Variants in KIAA1549L observed in about 807,000 individuals in gnomAD.
KIAA1549L encodes UPF0606 protein KIAA1549L.
KIAA1549L carries 88 observed loss-of-function variants against 160.7 expected under a neutral mutation model. The observed-to-expected ratio is 0.55, with a 90% CI of 0.46 to 0.65. The LOEUF is 0.65. Ranked by LOEUF, KIAA1549L falls within the 30% of genes least tolerant of loss-of-function variation. The pLI is 0.00. For synonymous variants in KIAA1549L, 950 were observed against 976.7 expected (o/e 0.97, Z 0.51); for missense variants, 2,258 against 2,437.5 (o/e 0.93, Z 1.55).
intron 1 of KIAA1549L, among the ~76,000 whole-genome samples, chr11:33,529,202 G>A (rs148575876): frequency 1.6e-4 from 25 of 152,122 alleles, no homozygotes; most frequent in Admixed American, 3.9e-4. Context: ...CGAGTGTGGC[G>A]GTATGTCCCT....
chr11:33,495,191 A>T lies in KIAA1549L; in HGVS notation c.239-46611A>T, dbSNP rs191380268. Among the ~76,000 whole-genome samples the T allele has an allele frequency of 4.4e-4, 67 of 152,148 alleles. No individual in the cohort carries two copies. The East Asian group carries it at 0.011, about 26-fold the overall frequency. ...TCCACAATGTGCAGGTTAGTTACAT[A>T]TGTATACATGTGCCATGCTGGTGCG... On this transcript the variant is annotated intron_variant, in intron 1 of 20. Transcript: ENST00000658780.
chr11:33,517,145 A>G (rs1853365398), intron 1 of KIAA1549L, among the ~76,000 whole-genome samples: 1 of 152,192 alleles, frequency 6.6e-6, no homozygotes, highest in Non-Finnish European at 1.5e-5. Context: ...ATGCTAGGGT[A>G]TGTCTCTCCC....
At chr11:33,590,898 A>G (rs1850033555) in intron 11 of KIAA1549L, among the ~76,000 whole-genome samples, 1 of 152,226 alleles carries the variant, frequency 6.6e-6, no homozygotes, top group Non-Finnish European at 1.5e-5. Flanking sequence ...TGTTTAATGT[A>G]TTAATTGAGT....
At chr11:33,486,576 A>T (rs1277911928) in intron 1 of KIAA1549L, among the ~76,000 whole-genome samples, 1 of 152,218 alleles carries the variant, frequency 6.6e-6, no homozygotes, top group Non-Finnish European at 1.5e-5. Context: ...TCTTTGTAAT[A>T]AAGATATTAT....
At chr11:33,608,655 A>G (rs1187406697) in intron 14 of KIAA1549L, among the ~76,000 whole-genome samples, 1 of 152,260 alleles carries the variant, frequency 6.6e-6, no homozygotes, top group African/African-American at 2.4e-5. Flanking sequence ...AATCTGGGAT[A>G]GATTCAATTT....
intron 1 of KIAA1549L, among the ~76,000 whole-genome samples, chr11:33,540,415 A>G (rs796182385): frequency 5.9e-5 from 9 of 152,370 alleles, no homozygotes; most frequent in African/African-American, 2.2e-4. Flanking sequence ...ATGCAAAAGT[A>G]CCTTATACAG....
At chr11:33,448,412 G>T (rs1270463105) in intron 1 of KIAA1549L, among the ~76,000 whole-genome samples, 1 of 152,154 alleles carries the variant, frequency 6.6e-6, no homozygotes, top group African/African-American at 2.4e-5. Context: ...CCTTGCTGCA[G>T]TGGCAAGACA....
chr11:33,396,724 G>A (rs1292175846), intron 1 of KIAA1549L, among the ~76,000 whole-genome samples: 2 of 151,980 alleles, frequency 1.3e-5, no homozygotes, highest in Non-Finnish European at 2.9e-5. Context: ...GGCTAAGGCA[G>A]GTGGATCACC....
At chr11:33,566,424 G>A (rs563379878) in intron 8 of KIAA1549L, among the ~76,000 whole-genome samples, 109 of 152,334 alleles carry the variant, frequency 7.2e-4, no homozygotes, top group Admixed American at 1.5e-3. Flanking sequence ...TGATCTGATA[G>A]CTGTGTCATG....
intron 1 of KIAA1549L, among the ~76,000 whole-genome samples, chr11:33,438,467 G>A (rs1851424814): frequency 6.6e-6 from 1 of 152,246 alleles, no homozygotes. Context: ...GCCAAAATTG[G>A]AGAGATGTCA....
chr11:33,649,307 C>T (rs1427576472), intron 17 of KIAA1549L, among the ~76,000 whole-genome samples: 2 of 147,280 alleles, frequency 1.4e-5, no homozygotes, highest in East Asian at 3.9e-4. Flanking sequence ...GTAAGACAAG[C>T]CCTGAGCAAT....
intron 16 of KIAA1549L, among the ~76,000 whole-genome samples, chr11:33,633,552 G>A (rs1178886964): frequency 1.3e-5 from 2 of 152,100 alleles, no homozygotes; most frequent in Non-Finnish European, 2.9e-5. Context: ...TCACGGGAGA[G>A]ATCCTCCCAG....
intron 1 of KIAA1549L, among the ~76,000 whole-genome samples, chr11:33,439,888 A>G (rs551765044): frequency 6.6e-6 from 1 of 152,166 alleles, no homozygotes; most frequent in South Asian, 2.1e-4. Context: ...ATTTTTATAA[A>G]TAAAAGGACA....
chr11:33,617,698 G>A (rs1453368432), intron 15 of KIAA1549L, among the ~76,000 whole-genome samples: 1 of 152,190 alleles, frequency 6.6e-6, no homozygotes, highest in Non-Finnish European at 1.5e-5. Context: ...AGGAGAGGAG[G>A]GGCCATAATC....
intron 10 of KIAA1549L, among the ~76,000 whole-genome samples, chr11:33,581,431 G>A (rs1855641432): frequency 7.1e-6 from 1 of 140,450 alleles, no homozygotes; most frequent in Non-Finnish European, 1.6e-5. Context: ...GTGTGTGTGT[G>A]TTTACGCTTG....
At chr11:33,436,536 C>T (rs1466613298) in intron 1 of KIAA1549L, among the ~76,000 whole-genome samples, 3 of 152,168 alleles carry the variant, frequency 2.0e-5, no homozygotes, top group Non-Finnish European at 4.4e-5. Context: ...CAGAAATGCC[C>T]GCACAGACAC....
At position 33,559,777 on chromosome 11, in the gene KIAA1549L, C is replaced by T. The variant is rs754654431; in HGVS notation, c.3884C>T (p.Ala1295Val). 2 of 1,613,992 alleles carry T rather than the reference C, an allele frequency of 1.2e-6. No homozygotes were observed. Among genetic ancestry groups the T allele is most frequent in the Admixed American group, 3.3e-5 (2 of 60,028 alleles). The change falls in exon 7 of 21, where the codon GCA becomes GTA. Residue 1295 changes from alanine to valine, a missense_variant. Transcript: ENST00000658780. ...GTGAGCACGTCCAATGCCTCCCAGG[C>T]AGTCACCTTGGTGTACGTCGTGGGC... Reference protein sequence around the residue: ...QIVSTSNASQAVTLVYVVGNQ... With the variant: ...QIVSTSNASQVVTLVYVVGNQ...
intron 1 of KIAA1549L, among the ~76,000 whole-genome samples, chr11:33,491,597 T>TA (rs978327188): frequency 6.6e-6 from 1 of 152,152 alleles, no homozygotes; most frequent in South Asian, 2.1e-4. Flanking sequence ...AAGCCCAAGC[T>TA]AAAAAAAATA....
At chr11:33,530,658 A>G (rs1194063270) in intron 1 of KIAA1549L, among the ~76,000 whole-genome samples, 2 of 151,740 alleles carry the variant, frequency 1.3e-5, no homozygotes, top group Admixed American at 1.3e-4. Context: ...CACAGATAAT[A>G]TATTTCCAAA....
Sources: gnomAD v4.1 joint callset for allele counts (sites outside exome capture counted in the v4.1 genomes callset) on GRCh38, gnomAD v4.1.1 for gene constraint, MANE v1.5 for transcripts, NCBI Gene and HGNC (gene_info 2026-07-23, HGNC 2026-07-21) for gene names.